Variants in CHODL observed in about 807,000 individuals in gnomAD.
CHODL encodes transmembrane protein MT75.
In CHODL, 29 loss-of-function variants were observed where a neutral mutation model predicts 34.5. That is an observed-to-expected ratio of 0.84 (90% CI 0.63 to 1.15). The LOEUF (loss-of-function observed/expected upper bound fraction) is 1.15. CHODL is among the 50% of genes most tolerant of loss of function. The pLI is 0.00. For synonymous variants in CHODL, 125 were observed against 116.1 expected (o/e 1.08, Z -0.49); for missense variants, 332 against 332.5 (o/e 1.00, Z 0.01).
At chr21:18,075,274 G>T (rs2064851027) in intron 2 of CHODL, among the ~76,000 whole-genome samples, 1 of 152,166 alleles carries the variant, frequency 6.6e-6, no homozygotes, top group Non-Finnish European at 1.5e-5. Context: ...GTCACGCTTT[G>T]CCAACCTCTG....
chr21:18,087,174 T>C (rs1056586096), intron 2 of CHODL, among the ~76,000 whole-genome samples: 3 of 152,114 alleles, frequency 2.0e-5, no homozygotes, highest in African/African-American at 7.2e-5. Context: ...CATGGACTTG[T>C]GACCAGAGAG....
chr21:18,019,712 A>G (rs1052492983), intron 1 of CHODL, among the ~76,000 whole-genome samples: 1 of 152,186 alleles, frequency 6.6e-6, no homozygotes, highest in Non-Finnish European at 1.5e-5. Context: ...ATTTTTCTCT[A>G]GTAACAAACA....
intron 2 of CHODL, among the ~76,000 whole-genome samples, chr21:18,033,037 A>G (rs910451732): frequency 4.6e-5 from 7 of 152,088 alleles, no homozygotes; most frequent in African/African-American, 1.7e-4. Context: ...TGCATCACAT[A>G]TTAAATTCTG....
intron 2 of CHODL, among the ~76,000 whole-genome samples, chr21:18,165,804 T>C (rs1336857166): frequency 2.6e-5 from 4 of 152,204 alleles, no homozygotes; most frequent in Admixed American, 2.6e-4. Flanking sequence ...TAGACAAGTG[T>C]ATTGAATCTA....
chr21:18,089,213 TG>T (rs1421257657), intron 2 of CHODL, among the ~76,000 whole-genome samples: 1 of 152,236 alleles, frequency 6.6e-6, no homozygotes. Flanking sequence ...TCAAATCTTT[TG>T]TTTATCCTGT....
rs539854111 is a variant in CHODL at position 18,170,382 on chromosome 21, G to C, written c.-44-86127G>C. On this transcript the variant is annotated intron_variant, in intron 2 of 6. Transcript: ENST00000400127. ...CTTCTGCTAGTCTGTGTGTTGATTGGCATATTTCAAGCATTTACATTTAAT... is the reference window on the plus strand; with the variant it reads ...CTTCTGCTAGTCTGTGTGTTGATTGCCATATTTCAAGCATTTACATTTAAT... 3.9e-5 allele frequency among the ~76,000 whole-genome samples: 6 copies of C among 151,972 alleles called. No homozygotes were observed. In the South Asian group the frequency reaches 1.0e-3, roughly 26 times the overall value.
intron 2 of CHODL, among the ~76,000 whole-genome samples, chr21:18,159,634 A>G (rs1411879549): frequency 6.6e-6 from 1 of 152,192 alleles, no homozygotes; most frequent in African/African-American, 2.4e-5. Context: ...CCCATGCCCT[A>G]ATCCTCAGAA....
chr21:18,129,111 T>C (rs1432229884), intron 2 of CHODL, among the ~76,000 whole-genome samples: 3 of 152,140 alleles, frequency 2.0e-5, no homozygotes, highest in Non-Finnish European at 4.4e-5. Context: ...TTGCTGTATA[T>C]TCTGTAGCAA....
At chr21:18,192,518 A>G (rs1195870842) in intron 2 of CHODL, among the ~76,000 whole-genome samples, 1 of 152,178 alleles carries the variant, frequency 6.6e-6, no homozygotes, top group Non-Finnish European at 1.5e-5. Flanking sequence ...AAAACACAAT[A>G]CTTGTTACGG....
At chr21:18,133,921 T>C (rs2146598424) in intron 2 of CHODL, among the ~76,000 whole-genome samples, 1 of 152,274 alleles carries the variant, frequency 6.6e-6, no homozygotes, top group South Asian at 2.1e-4. Flanking sequence ...TTGCAAGTAG[T>C]TCAAAATCTC....
intron 1 of CHODL, among the ~76,000 whole-genome samples, chr21:17,982,120 T>C (rs2063718589): frequency 6.6e-6 from 1 of 152,232 alleles, no homozygotes; most frequent in Non-Finnish European, 1.5e-5. Context: ...AAAATCAGAA[T>C]ATCACCTGAG....
chr21:18,226,075 T>C (rs1279873126), intron 2 of CHODL, among the ~76,000 whole-genome samples: 1 of 152,068 alleles, frequency 6.6e-6, no homozygotes, highest in African/African-American at 2.4e-5. Flanking sequence ...CTAAAAAAGA[T>C]GTCAGACAGG....
At chr21:17,959,249 G>A (rs2063514719) in intron 1 of CHODL, among the ~76,000 whole-genome samples, 1 of 152,060 alleles carries the variant, frequency 6.6e-6, no homozygotes, top group African/African-American at 2.4e-5. Flanking sequence ...ATCAAGGCCA[G>A]GTCATGAAGT....
chr21:18,119,264 C>T (rs936678598), intron 2 of CHODL, among the ~76,000 whole-genome samples: 4 of 151,620 alleles, frequency 2.6e-5, no homozygotes, highest in African/African-American at 9.7e-5. Context: ...ATCCGCTGAT[C>T]TAGTATCTGT....
At chr21:18,160,126 A>G (rs1466583977) in intron 2 of CHODL, among the ~76,000 whole-genome samples, 1 of 152,166 alleles carries the variant, frequency 6.6e-6, no homozygotes, top group Non-Finnish European at 1.5e-5. Context: ...CCTTTCAACA[A>G]TCTTAGAAGA....
intron 1 of CHODL, among the ~76,000 whole-genome samples, chr21:17,921,074 GGATA>G (rs1720598031): frequency 6.6e-6 from 1 of 152,140 alleles, no homozygotes; most frequent in African/African-American, 2.4e-5. Flanking sequence ...TAGGATGGAT[GGATA>G]GATAGATAGA....
At chr21:18,195,212 A>G (rs1043371738) in intron 2 of CHODL, among the ~76,000 whole-genome samples, 1 of 151,736 alleles carries the variant, frequency 6.6e-6, no homozygotes, top group Admixed American at 6.6e-5. Flanking sequence ...CTGCCACCAC[A>G]CCTGGCTAAT....
At chr21:18,230,658 T>C (rs968974485) in intron 2 of CHODL, among the ~76,000 whole-genome samples, 5 of 152,206 alleles carry the variant, frequency 3.3e-5, no homozygotes, top group African/African-American at 1.2e-4. Flanking sequence ...TCTAGTGGCA[T>C]TTCATAAATA....
chr21:18,238,561 G>A (rs2074051379), intron 2 of CHODL, among the ~76,000 whole-genome samples: 1 of 152,082 alleles, frequency 6.6e-6, no homozygotes, highest in Non-Finnish European at 1.5e-5. Context: ...AGATTTGGGT[G>A]GGGACACAGA....
Sources: allele counts gnomAD v4.1 joint callset (sites outside exome capture counted in the v4.1 genomes callset), GRCh38; gene constraint gnomAD v4.1.1; transcripts MANE v1.5; gene names NCBI Gene and HGNC (gene_info 2026-07-23, HGNC 2026-07-21).